The following NOS2 variants were observed in gnomAD, a reference collection of about 807,000 sequenced individuals.
The protein encoded by NOS2 is nitric oxide synthase, inducible.
NOS2 carries 96 observed loss-of-function variants against 136.0 expected under a neutral mutation model. The ratio of observed to expected loss-of-function variants is 0.71; its 90% CI spans 0.60 to 0.84. The LOEUF (loss-of-function observed/expected upper bound fraction) is 0.84. Ranked by LOEUF, NOS2 falls within the 40% of genes least tolerant of loss-of-function variation. The pLI, the probability that NOS2 is intolerant of heterozygous loss-of-function variation, is 0.00. For synonymous variants in NOS2, 539 were observed against 587.5 expected (o/e 0.92, Z 1.20); for missense variants, 1,237 against 1,496.9 (o/e 0.83, Z 2.87).
At position 27,778,780 on chromosome 17, in the gene NOS2, C is replaced by T; in HGVS notation, c.1191G>A (p.Arg397=). The stretch of plus-strand genomic sequence containing the variant: ...GCTTGTGCGTTTCCAGGCCCATTCT[C>T]CTGCCCACTTCCTACAGAGGCAGAG... ...QRYNILEEVG[R]RMGLETHKLA... The change falls in exon 11 of 27, where the codon AGG becomes AGA. Residue 397 remains arginine, a synonymous_variant. Transcript: ENST00000313735. 1 of 1,614,210 alleles carries T rather than the reference C, an allele frequency of 6.2e-7. No individual in the cohort carries two copies. The highest frequency in any genetic ancestry group is 8.5e-7 in the Non-Finnish European group (1 of 1,180,032).
chr17:27,770,876 A>G, intron 15 of NOS2, 37 bp downstream of exon 15: 3 of 1,523,548 alleles, frequency 2.0e-6, no homozygotes, highest in Non-Finnish European at 2.7e-6. Flanking sequence ...CCCGTGCCCT[A>G]CCACCCCCTA....
chr17:27,779,047 CCA>C lies in NOS2; in HGVS notation c.1012_1013del (p.Trp338ValfsTer20), dbSNP rs771037785. Reference sequence around the variant, plus strand: ...ACCACTTTAGCTCCAGTTCCCGAAACCACTCGTATCTGGCAAAAAGGTAGACA... The same window carrying C: ...ACCACTTTAGCTCCAGTTCCCGAAACCTCGTATCTGGCAAAAAGGTAGACA... ...EVAMEHPKYE[W>X]FRELELKWYA... On this transcript the variant is annotated frameshift_variant, in exon 10 of 27. Transcript: ENST00000313735. LOFTEE classifies it high-confidence loss of function. 1.3e-6 allele frequency: 2 copies of C among 1,519,024 alleles called. No individual in the cohort carries two copies. The highest frequency in any genetic ancestry group is 1.8e-6 in the Non-Finnish European group (2 of 1,130,490). The allele number at this position is 1,519,024 out of a possible 1,614,324, so 94.1% of individuals were successfully genotyped here. A position where few individuals can be genotyped will look rare whatever the true frequency, so the allele number is the denominator to read the frequency against.
chr17:27,782,930 C>G lies in NOS2; in HGVS notation c.630+14G>C, dbSNP rs770541415. 2.4e-5 allele frequency: 39 copies of G among 1,613,524 alleles called. No homozygotes were observed. Among genetic ancestry groups the G allele is most frequent in the Non-Finnish European group, 3.2e-5 (38 of 1,179,832 alleles). On this transcript the variant is annotated intron_variant, in intron 6 of 26. Coordinates refer to ENST00000313735, the MANE Select transcript of NOS2 (RefSeq NM_000625.4). ...GCCTCCAGCTCTCTCCCGCTCAAGT[C>G]TAAGGAAGTTCACCTGCAGGTTGGA...
At position 27,773,176 on chromosome 17, in the gene NOS2, A is replaced by C; in HGVS notation, c.1544T>G (p.Leu515Trp). ...KRRPKRREIPLKVLVKAVLFA... is the reference protein window; with the variant it reads ...KRRPKRREIPWKVLVKAVLFA... The stretch of plus-strand genomic sequence containing the variant: ...TGCCACTCACTTGACCAAGACTTTC[A>C]ATGGAATCTCTCTTCTCTTGGGTCT... Residue 515 changes from leucine to tryptophan, a missense_variant, in exon 13 of 27, where the codon TTG becomes TGG. This residue lies in a region of NOS2 where 782 missense variants were observed against 909.9 expected (regional missense o/e 0.86). Coordinates refer to ENST00000313735, the MANE Select transcript of NOS2 (RefSeq NM_000625.4). 1 of 1,613,930 alleles carries C rather than the reference A, an allele frequency of 6.2e-7. No homozygotes were observed. The highest frequency in any genetic ancestry group is 8.5e-7 in the Non-Finnish European group (1 of 1,179,788).
intron 9 of NOS2, among the ~76,000 whole-genome samples, chr17:27,780,261 G>T (rs1033195094): frequency 2.0e-5 from 3 of 152,210 alleles, no homozygotes; most frequent in Non-Finnish European, 1.5e-5. Flanking sequence ...TTCATTCAAC[G>T]GCCAGGAAGA....
Position 27,769,158 on chromosome 17 carries a change from G to C in NOS2, c.1860-7C>G, listed in dbSNP as rs201500956. On this transcript the variant is annotated splice_polypyrimidine_tract_variant and splice_region_variant and intron_variant, in intron 16 of 26. Coordinates refer to ENST00000313735, the MANE Select transcript of NOS2 (RefSeq NM_000625.4). ...GAGGCCAAACACAGCGTACCTGCCC[G>C]AGGACACACACAGAGACACATGTCC... The C allele has an allele frequency of 6.2e-7, 1 of 1,603,842 alleles. No homozygotes were observed.
intron 20 of NOS2, among the ~76,000 whole-genome samples, chr17:27,765,007 G>C (rs1050883556): frequency 2.0e-5 from 3 of 151,980 alleles, no homozygotes; most frequent in Non-Finnish European, 4.4e-5. Flanking sequence ...TTTTGAGATG[G>C]AGTCTCTGTC....
At position 27,799,325 on chromosome 17, in the gene NOS2, G is replaced by A. The variant is rs199647752; in HGVS notation, c.-73-443C>T. 5.9e-5 allele frequency among the ~76,000 whole-genome samples: 9 copies of A among 152,284 alleles called. No individual in the cohort carries two copies. In the East Asian group the frequency reaches 1.2e-3, roughly 20 times the overall value. ...CAACTGTAGTTTTAGGTCTATTACT[G>A]GGGAAAGCACTCAAGCTGTAGCTAC... On this transcript the variant is annotated intron_variant, in intron 1 of 26. Coordinates refer to ENST00000313735, the MANE Select transcript of NOS2 (RefSeq NM_000625.4).
At chr17:27,794,742 ACAC>A (rs1454640619) in intron 2 of NOS2, among the ~76,000 whole-genome samples, 2 of 151,930 alleles carry the variant, frequency 1.3e-5, no homozygotes, top group East Asian at 3.9e-4. Context: ...ACACACACAC[ACAC>A]ACCATGCTCA....
chr17:27,782,703 C>A (rs747902890), intron 6 of NOS2, among the ~76,000 whole-genome samples: 7 of 152,208 alleles, frequency 4.6e-5, no homozygotes, highest in Non-Finnish European at 1.0e-4. Context: ...GGCATTTAGT[C>A]TCCTGAATTT....
intron 11 of NOS2, 117 bp from the exon 12 acceptor site, chr17:27,774,568 G>C (rs578027982): frequency 4.7e-6 from 3 of 640,354 alleles, no homozygotes; most frequent in East Asian, 6.3e-5. Flanking sequence ...TGTAACACGG[G>C]AGAGCAACTC....
At chr17:27,759,755 C>T (rs536548866) in intron 25 of NOS2, among the ~76,000 whole-genome samples, 36 of 152,218 alleles carry the variant, frequency 2.4e-4, no homozygotes, top group African/African-American at 7.9e-4. Flanking sequence ...CGGGCAGTCG[C>T]GTGTCCCAGG....
At chr17:27,763,033 T>A (rs1908185563) in intron 21 of NOS2, 28 bp from the exon 22 acceptor site, 3 of 1,489,176 alleles carry the variant, frequency 2.0e-6, no homozygotes, top group Non-Finnish European at 2.7e-6. Context: ...TGTCAGTGAC[T>A]CAGGGCGCCT....
At chr17:27,778,660 G>A in intron 11 of NOS2, 30 bp downstream of exon 11, 1 of 1,568,994 alleles carries the variant, frequency 6.4e-7, no homozygotes, top group Non-Finnish European at 8.8e-7. Flanking sequence ...TCACCAAAAA[G>A]TCTTCAGACT....
rs1908898137 is a variant in NOS2, at chr17:27,782,935, G to A, written c.630+9C>T. 1.4e-5 allele frequency: 22 copies of A among 1,613,672 alleles called. No individual in the cohort carries two copies. Among genetic ancestry groups the A allele is most frequent in the Non-Finnish European group, 1.8e-5 (21 of 1,179,974 alleles). On this transcript the variant is annotated intron_variant, in intron 6 of 26. Coordinates refer to ENST00000313735, the MANE Select transcript of NOS2 (RefSeq NM_000625.4). ...CAGCTCTCTCCCGCTCAAGTCTAAG[G>A]AAGTTCACCTGCAGGTTGGACCACT...
chr17:27,760,767 G>A (rs1267485880), intron 23 of NOS2, 23 bp from the exon 24 acceptor site: 1 of 1,546,256 alleles, frequency 6.5e-7, no homozygotes, highest in South Asian at 1.2e-5. Flanking sequence ...GGAGAAGAGG[G>A]GGCCAGTCCT....
intron 18 of NOS2, among the ~76,000 whole-genome samples, chr17:27,767,086 T>TTAGGAAC (rs1346106605): frequency 6.6e-6 from 1 of 151,754 alleles, no homozygotes; most frequent in Non-Finnish European, 1.5e-5. Context: ...GAAATTCAAT[T>TTAGGAAC]TAGGAACCTA....
At chr17:27,774,878 C>A (rs1908613012) in intron 11 of NOS2, among the ~76,000 whole-genome samples, 1 of 152,212 alleles carries the variant, frequency 6.6e-6, no homozygotes, top group African/African-American at 2.4e-5. Flanking sequence ...GGGGTTGTAG[C>A]CTCCTCAGCC....
At position 27,765,595 on chromosome 17, in the gene NOS2, G is replaced by A. The variant is rs200642364; in HGVS notation, c.2368C>T (p.Arg790Ter). The change falls in exon 20 of 27, where the codon CGA (arginine) becomes TGA (stop). Residue 790 changes from arginine (R) to a stop codon, truncating the protein, a stop_gained. Coordinates refer to ENST00000313735, the MANE Select transcript of NOS2 (RefSeq NM_000625.4). LOFTEE classifies it high-confidence loss of function. ...TGGGGTGTGGGGCCATCCACCACTC[G>A]CTCCAGGATACCTTGGACCAGGGCC... ...QPALVQGILE[R>*]VVDGPTPHQT... The A allele has an allele frequency of 1.7e-5, 28 of 1,612,502 alleles. No individual in the cohort carries two copies. The highest frequency in any genetic ancestry group is 2.2e-5 in the Non-Finnish European group (26 of 1,179,854).
Sources: allele counts gnomAD v4.1 joint callset (sites outside exome capture counted in the v4.1 genomes callset), GRCh38; gene constraint gnomAD v4.1.1; regional missense constraint gnomAD v4.1.1; transcripts MANE v1.5; gene names NCBI Gene and HGNC (gene_info 2026-07-23, HGNC 2026-07-21).